The following ADCK2 variants were observed in gnomAD, a reference collection of about 807,000 sequenced individuals.
The protein encoded by ADCK2 is aarF domain containing kinase 2.
A neutral mutation model predicts 52.3 loss-of-function variants in ADCK2; 37 were observed. The observed-to-expected ratio is 0.71, with a 90% CI of 0.54 to 0.93. The LOEUF is 0.93. ADCK2 is among the 40% of genes least tolerant of loss of function. The pLI is 0.00. For synonymous variants in ADCK2, 321 were observed against 349.2 expected (o/e 0.92, Z 0.90); for missense variants, 695 against 798.7 (o/e 0.87, Z 1.56).
chr7:140,694,879 C>T lies in ADCK2; in HGVS notation c.*76C>T, dbSNP rs531324624. 10 of 1,509,062 alleles carry T rather than the reference C, an allele frequency of 6.6e-6. No homozygotes were observed. Among genetic ancestry groups the T allele is most frequent in the African/African-American group, 5.6e-5 (4 of 71,588 alleles). 93.5% of individuals were successfully genotyped at this position (1,509,062 alleles called of 1,614,324 possible). A position where few individuals can be genotyped will look rare whatever the true frequency, so the allele number is the denominator to read the frequency against. ...AGAGCCTCTCCTATGGCAGCTGGGA[C>T]GTTTTAAAATTGGGACACCAATTTC... On this transcript the variant is annotated 3_prime_UTR_variant, in exon 8 of 8. Transcript: ENST00000072869.
At chr7:140,680,500 G>A (rs1021063081) in intron 3 of ADCK2, among the ~76,000 whole-genome samples, 1 of 149,332 alleles carries the variant, frequency 6.7e-6, no homozygotes, top group Non-Finnish European at 1.5e-5. Context: ...ACGTTGCCCA[G>A]ACCCCTATTG....
intron 4 of ADCK2, among the ~76,000 whole-genome samples, chr7:140,686,107 G>A (rs1056077343): frequency 1.3e-5 from 2 of 152,170 alleles, no homozygotes; most frequent in African/African-American, 4.8e-5. Context: ...TTTATGAGCT[G>A]TTTTTAAAGA....
rs546242342 is a variant in ADCK2, at chr7:140,691,634, C to G, written c.1740+821C>G. ...CCGGCTCTGTCGCCTTGTCATGGAG[C>G]CTAGTCTCCGGCACTCTTTAAACTA... is the stretch of plus-strand genomic sequence containing the variant. On this transcript the variant is annotated intron_variant, in intron 7 of 7. Transcript: ENST00000072869. Among the ~76,000 whole-genome samples the G allele has an allele frequency of 1.7e-3, 254 of 152,318 alleles. 1 individual carries two copies. The highest frequency in any genetic ancestry group is 5.8e-3 in the African/African-American group (243 of 41,562).
chr7:140,679,430 G>A (rs745685321), intron 3 of ADCK2, 147 bp downstream of exon 3: 208 of 1,222,646 alleles, frequency 1.7e-4, no homozygotes, highest in Middle Eastern at 5.7e-4. Context: ...TGGCCTCGGC[G>A]GGAGGCAGTG....
Position 140,674,108 on chromosome 7 carries a change from G to A in ADCK2, c.778G>A (p.Gly260Ser). The part of the protein sequence containing the change: ...LRELFGYLGN[G>S]RKPPENLADQ... ...AGAGCTCTTTGGATACCTTGGAAATGGCCGGAAACCTCCAGAAAATCTCGC... is the reference window on the plus strand; with the variant it reads ...AGAGCTCTTTGGATACCTTGGAAATAGCCGGAAACCTCCAGAAAATCTCGC... The change falls in exon 1 of 8, where the codon GGC becomes AGC. Residue 260 changes from glycine (G) to serine (S), a missense_variant. Transcript: ENST00000072869. The surrounding 1 kb of genome is among the most constrained non-coding windows in gnomAD (Gnocchi z 4.6). The A allele has an allele frequency of 1.9e-6, 3 of 1,614,166 alleles. No homozygotes were observed. Among genetic ancestry groups the A allele is most frequent in the East Asian group, 4.5e-5 (2 of 44,878 alleles).
chr7:140,673,912 G>A lies in ADCK2; in HGVS notation c.582G>A (p.Trp194Ter). The stretch of plus-strand genomic sequence containing the variant: ...TTCGGCAGGCTTTTGGGGATGACTG[G>A]GGGAGCATCCTCTCTTTTGAGAACC... Reference protein sequence around the residue: ...RFLRQAFGDDWGSILSFENRE... With the variant: ...RFLRQAFGDD The change falls in exon 1 of 8, where the codon TGG (tryptophan) becomes TGA (stop). Residue 194 changes from tryptophan (W) to a stop codon, truncating the protein, a stop_gained. Coordinates refer to ENST00000072869, the MANE Select transcript of ADCK2 (RefSeq NM_052853.4). LOFTEE classifies it high-confidence loss of function. This position sits in a 1 kb window ranked among gnomAD's most constrained non-coding sequence, Gnocchi z 6.4. The A allele has an allele frequency of 6.2e-7, 1 of 1,613,992 alleles. No homozygotes were observed. Among genetic ancestry groups the A allele is most frequent in the Non-Finnish European group, 8.5e-7 (1 of 1,180,044 alleles).
intron 3 of ADCK2, among the ~76,000 whole-genome samples, chr7:140,679,654 TTCTC>T (rs1264271874): frequency 6.8e-6 from 1 of 146,408 alleles, no homozygotes; most frequent in African/African-American, 2.5e-5. Context: ...TAGTTCAGCC[TTCTC>T]TCTCTTTTTT....
intron 4 of ADCK2, among the ~76,000 whole-genome samples, chr7:140,682,090 G>A (rs1008873145): frequency 8.5e-5 from 13 of 152,198 alleles, no homozygotes; most frequent in African/African-American, 2.9e-4. Context: ...CACCTGCTAG[G>A]TGCCAGGCAC....
chr7:140,681,185 G>A (rs1368615603), intron 4 of ADCK2, 48 bp downstream of exon 4: 1 of 1,577,564 alleles, frequency 6.3e-7, no homozygotes, highest in Non-Finnish European at 8.7e-7. Context: ...TGGTCAGCTT[G>A]CAGATGGGGA....
At chr7:140,677,155 C>T (rs1055723977) in intron 2 of ADCK2, among the ~76,000 whole-genome samples, 1 of 152,198 alleles carries the variant, frequency 6.6e-6, no homozygotes, top group Non-Finnish European at 1.5e-5. Context: ...CACCTGTAGT[C>T]CTAGCACTTT....
chr7:140,691,272 A>T (rs1794698377), intron 7 of ADCK2, among the ~76,000 whole-genome samples: 1 of 152,238 alleles, frequency 6.6e-6, no homozygotes, highest in Admixed American at 6.5e-5. Context: ...ATTTGCAACA[A>T]GTGCTTCGTA....
At position 140,694,917 on chromosome 7, in the gene ADCK2, C is replaced by T; in HGVS notation, c.*114C>T. On this transcript the variant is annotated 3_prime_UTR_variant, in exon 8 of 8. Transcript: ENST00000072869. ...GGACACCAATTTCAAATGTAACCCT[C>T]CAGTGGTGGAAGGCACACCATGGCT... is the stretch of plus-strand genomic sequence containing the variant. 1 of 1,454,830 alleles carries T rather than the reference C, an allele frequency of 6.9e-7. No individual in the cohort carries two copies. The highest frequency in any genetic ancestry group is 9.0e-7 in the Non-Finnish European group (1 of 1,108,762). The allele number at this position is 1,454,830 out of a possible 1,614,324, so 90.1% of individuals were successfully genotyped here.
At position 140,673,226 on chromosome 7, in the gene ADCK2, C is replaced by A; in HGVS notation, c.-105C>A. 2 of 1,038,158 alleles carry A rather than the reference C, an allele frequency of 1.9e-6. No homozygotes were observed. Among genetic ancestry groups the A allele is most frequent in the Non-Finnish European group, 2.6e-6 (2 of 774,302 alleles). 64.3% of individuals were successfully genotyped at this position (1,038,158 alleles called of 1,614,324 possible). A position where few individuals can be genotyped will look rare whatever the true frequency, so the allele number is the denominator to read the frequency against. ...GCGCGGATCCGGCCCAGATGGGCAG[C>A]TCCGTCCGCGGGGTCAGGGCCGGGC... is the stretch of plus-strand genomic sequence containing the variant. On this transcript the variant is annotated 5_prime_UTR_variant, in exon 1 of 8. Coordinates refer to ENST00000072869, the MANE Select transcript of ADCK2 (RefSeq NM_052853.4). This position sits in a 1 kb window ranked among gnomAD's most constrained non-coding sequence, Gnocchi z 6.4.
chr7:140,686,860 A>G, intron 4 of ADCK2, 130 bp from the exon 5 acceptor site: 3 of 1,226,032 alleles, frequency 2.4e-6, no homozygotes. Context: ...AGAAGGGTCT[A>G]TAGGACATGC....
chr7:140,688,153 T>C (rs1012406588), intron 5 of ADCK2, among the ~76,000 whole-genome samples: 13 of 151,820 alleles, frequency 8.6e-5, no homozygotes, highest in African/African-American at 3.1e-4. Flanking sequence ...CAAGCAATTC[T>C]CCTGCCACGC....
In ADCK2 at chr7:140,689,755, G is replaced by A. The variant is rs373133972; in HGVS notation, c.1686+30G>A. 31 of 1,589,914 alleles carry A rather than the reference G, an allele frequency of 1.9e-5. No individual in the cohort carries two copies. In the African/African-American group the frequency reaches 3.9e-4, roughly 20 times the overall value. On this transcript the variant is annotated intron_variant, in intron 6 of 7. Transcript: ENST00000072869. ...GCAGGTCACTTGCGGAACAGGGGCT[G>A]GGGAGTCCATACCTGGCCTGGGGCA...
chr7:140,695,011 C>T lies in ADCK2; in HGVS notation c.*208C>T. The T allele has an allele frequency of 4.6e-6, 6 of 1,291,426 alleles. No individual in the cohort carries two copies. The highest frequency in any genetic ancestry group is 5.9e-6 in the Non-Finnish European group (6 of 1,021,762). The allele number at this position is 1,291,426 out of a possible 1,614,324, so 80.0% of individuals were successfully genotyped here. ...TTAGGGAGTAAAAGGAGGGAAGGGG[C>T]CTATCCATTCCATTGTGGAAGCTGG... On this transcript the variant is annotated 3_prime_UTR_variant, in exon 8 of 8. Coordinates refer to ENST00000072869, the MANE Select transcript of ADCK2 (RefSeq NM_052853.4).
Position 140,694,940 on chromosome 7 carries a change from G to C in ADCK2, c.*137G>C. 2 of 1,418,920 alleles carry C rather than the reference G, an allele frequency of 1.4e-6. No individual in the cohort carries two copies. Among genetic ancestry groups the C allele is most frequent in the East Asian group, 5.1e-5 (2 of 39,220 alleles). 87.9% of individuals were successfully genotyped at this position (1,418,920 alleles called of 1,614,324 possible). ...CTCCAGTGGTGGAAGGCACACCATG[G>C]CTTCCTCTGCTTGGTTTGAGGGTCT... is the stretch of plus-strand genomic sequence containing the variant. On this transcript the variant is annotated 3_prime_UTR_variant, in exon 8 of 8. Coordinates refer to ENST00000072869, the MANE Select transcript of ADCK2 (RefSeq NM_052853.4).
At chr7:140,675,486 T>C (rs1306714996) in intron 2 of ADCK2, among the ~76,000 whole-genome samples, 1 of 152,206 alleles carries the variant, frequency 6.6e-6, no homozygotes, top group Admixed American at 6.5e-5. Flanking sequence ...ACTCAATTTC[T>C]TCCCAAGTTT....
Sources: allele counts gnomAD v4.1 joint callset (sites outside exome capture counted in the v4.1 genomes callset), GRCh38; gene constraint gnomAD v4.1.1; non-coding constraint Gnocchi (gnomAD v3.1); transcripts MANE v1.5; gene names NCBI Gene and HGNC (gene_info 2026-07-23, HGNC 2026-07-21).